The following TCF7L1 variants were observed in gnomAD, a reference collection of about 807,000 sequenced individuals.
TCF7L1 encodes the protein transcription factor 7-like 1.
TCF7L1 carries 18 observed loss-of-function variants against 63.7 expected under a neutral mutation model. The ratio of observed to expected loss-of-function variants is 0.28; its 90% CI spans 0.20 to 0.42. The LOEUF (loss-of-function observed/expected upper bound fraction) is 0.42. Ranked by LOEUF, TCF7L1 falls within the 10% of genes least tolerant of loss-of-function variation. TCF7L1 has a pLI of 1.00. For missense variants in TCF7L1, 654 were observed against 779.3 expected, an observed-to-expected ratio of 0.84 and a Z score of 1.91; for synonymous variants, 355 against 340.9, an observed-to-expected ratio of 1.04 and a Z score of -0.46.
At chr2:85,278,453 G>A (rs1192990768) in intron 3 of TCF7L1, among the ~76,000 whole-genome samples, 1 of 152,134 alleles carries the variant, frequency 6.6e-6, no homozygotes, top group African/African-American at 2.4e-5. Context: ...GCGTAAGAAG[G>A]AACAAACCAC....
At chr2:85,288,927 C>T (rs565164213) in intron 4 of TCF7L1, among the ~76,000 whole-genome samples, 14 of 152,190 alleles carry the variant, frequency 9.2e-5, no homozygotes, top group African/African-American at 3.1e-4. Context: ...ATAAGCAACA[C>T]GAAGACAGGA....
intron 3 of TCF7L1, among the ~76,000 whole-genome samples, chr2:85,180,210 GTT>G (rs573746276): frequency 2.0e-4 from 29 of 144,564 alleles, no homozygotes; most frequent in African/African-American, 7.1e-4. Flanking sequence ...CTGCAAAGTG[GTT>G]TTTTTTTTTG....
intron 3 of TCF7L1, among the ~76,000 whole-genome samples, chr2:85,216,858 T>C (rs1679723643): frequency 2.6e-5 from 4 of 152,222 alleles, no homozygotes; most frequent in African/African-American, 9.6e-5. Flanking sequence ...AAGGGGCTTC[T>C]CAAGCTTGGA....
At chr2:85,160,953 G>A in intron 3 of TCF7L1, among the ~76,000 whole-genome samples, 1 of 152,210 alleles carries the variant, frequency 6.6e-6, no homozygotes, top group Non-Finnish European at 1.5e-5. Context: ...GTGTAAAACA[G>A]GGGTGGCTGT....
intron 3 of TCF7L1, among the ~76,000 whole-genome samples, chr2:85,199,146 T>C (rs6733735): frequency 0.087 from 13,289 of 152,186 alleles, 1,057 homozygotes; most frequent in African/African-American, 0.21. Context: ...GTGTCCCTAA[T>C]GTCCATGATG....
At chr2:85,291,532 T>C (rs1429627662) in intron 4 of TCF7L1, among the ~76,000 whole-genome samples, 1 of 151,708 alleles carries the variant, frequency 6.6e-6, no homozygotes, top group East Asian at 1.9e-4. Context: ...GGGTTTTGTT[T>C]TTGTGTGTAT....
chr2:85,225,365 G>A (rs1409717499), intron 3 of TCF7L1, among the ~76,000 whole-genome samples: 1 of 152,114 alleles, frequency 6.6e-6, no homozygotes, highest in Non-Finnish European at 1.5e-5. Context: ...AATTACCTTG[G>A]GCAGTATGGC....
At chr2:85,169,202 C>A (rs1678492482) in intron 3 of TCF7L1, among the ~76,000 whole-genome samples, 3 of 152,216 alleles carry the variant, frequency 2.0e-5, no homozygotes, top group Non-Finnish European at 2.9e-5. Flanking sequence ...CCTTCCTTCT[C>A]ATCAGTCCTT....
intron 3 of TCF7L1, among the ~76,000 whole-genome samples, chr2:85,149,405 A>G (rs1035861059): frequency 6.6e-6 from 1 of 152,044 alleles, no homozygotes; most frequent in African/African-American, 2.4e-5. Flanking sequence ...ATATGTAAGC[A>G]GTATAGTATA....
At chr2:85,212,691 GT>G (rs1679596566) in intron 3 of TCF7L1, among the ~76,000 whole-genome samples, 1 of 152,104 alleles carries the variant, frequency 6.6e-6, no homozygotes, top group African/African-American at 2.4e-5. Flanking sequence ...TGACTGATGA[GT>G]TTTCTTTTGT....
intron 3 of TCF7L1, among the ~76,000 whole-genome samples, chr2:85,235,007 C>T (rs768608272): frequency 2.0e-5 from 3 of 152,288 alleles, no homozygotes; most frequent in Admixed American, 6.5e-5. Context: ...CCCTGTCTAG[C>T]GCACTGTGCT....
In TCF7L1 at chr2:85,134,559, G is replaced by A; in HGVS notation, c.441+109G>A. 1 of 1,441,916 alleles carries A rather than the reference G, an allele frequency of 6.9e-7. No homozygotes were observed. Among genetic ancestry groups the A allele is most frequent in the Admixed American group, 2.5e-5 (1 of 39,394 alleles). 89.3% of individuals were successfully genotyped at this position (1,441,916 alleles called of 1,614,324 possible). ...ATGGGGCCTTCTGCGCCGATCCCAA[G>A]CAGAACTTGTTTGCGGAGTTGAACT... On this transcript the variant is annotated intron_variant, in intron 3 of 11. Coordinates refer to ENST00000282111, the MANE Select transcript of TCF7L1 (RefSeq NM_031283.3). The surrounding 1 kb of genome is among the most constrained non-coding windows in gnomAD (Gnocchi z 5.0).
chr2:85,186,247 G>A (rs972246970), intron 3 of TCF7L1, among the ~76,000 whole-genome samples: 2 of 152,076 alleles, frequency 1.3e-5, no homozygotes, highest in East Asian at 1.9e-4. Context: ...GATTACAAGC[G>A]TGAGCCACCG....
At chr2:85,285,316 A>G (rs1558656408) in intron 4 of TCF7L1, among the ~76,000 whole-genome samples, 1 of 152,220 alleles carries the variant, frequency 6.6e-6, no homozygotes, top group Non-Finnish European at 1.5e-5. Flanking sequence ...AAAGCTAAAT[A>G]AATAAGGGTG....
intron 3 of TCF7L1, among the ~76,000 whole-genome samples, chr2:85,190,845 G>A (rs1228444452): frequency 6.6e-6 from 1 of 152,118 alleles, no homozygotes; most frequent in Non-Finnish European, 1.5e-5. Flanking sequence ...AGGTAGGAAA[G>A]GTTATTATTC....
At chr2:85,308,951 G>C (rs540128688) in intron 11 of TCF7L1, 78 bp from the exon 12 acceptor site, 1 of 1,476,692 alleles carries the variant, frequency 6.8e-7, no homozygotes, top group South Asian at 1.3e-5. Context: ...CAAAGCACAT[G>C]TATCGCCAGG....
intron 3 of TCF7L1, among the ~76,000 whole-genome samples, chr2:85,231,054 G>T (rs1230218700): frequency 6.6e-6 from 1 of 152,132 alleles, no homozygotes; most frequent in Non-Finnish European, 1.5e-5. Flanking sequence ...ACATTATAGG[G>T]TACTTGAAAA....
At chr2:85,259,481 C>T (rs1400599933) in intron 3 of TCF7L1, among the ~76,000 whole-genome samples, 5 of 152,154 alleles carry the variant, frequency 3.3e-5, no homozygotes, top group Non-Finnish European at 7.3e-5. Flanking sequence ...GAGGGCTGGC[C>T]TGAGGGAAAA....
chr2:85,282,794 T>TGTGTGTG (rs1681448243), intron 3 of TCF7L1, among the ~76,000 whole-genome samples: 5 of 119,224 alleles, frequency 4.2e-5, no homozygotes, highest in Non-Finnish European at 6.8e-5. Context: ...GAGAGAGAGA[T>TGTGTGTG]TGTGTGTGTG....
Sources: gnomAD v4.1 joint callset for allele counts (sites outside exome capture counted in the v4.1 genomes callset) on GRCh38, gnomAD v4.1.1 for gene constraint, Gnocchi (gnomAD v3.1) non-coding constraint, MANE v1.5 for transcripts, NCBI Gene and HGNC (gene_info 2026-07-23, HGNC 2026-07-21) for gene names.